DOCK10: variants seen among roughly 807,000 people sequenced by gnomAD.
DOCK10 encodes the protein dedicator of cytokinesis protein 10.
Under a neutral mutation model 280.1 loss-of-function variants are expected in DOCK10, and 145 were observed. That is an observed-to-expected ratio of 0.52 (90% CI 0.45 to 0.59). The LOEUF (loss-of-function observed/expected upper bound fraction) is 0.59. DOCK10 is among the 20% of genes least tolerant of loss of function. DOCK10 has a pLI of 0.00. For missense variants in DOCK10, 2,368 were observed against 2,651.7 expected, an observed-to-expected ratio of 0.89 and a Z score of 2.35; for synonymous variants, 915 against 942.2, an observed-to-expected ratio of 0.97 and a Z score of 0.53.
Position 224,885,015 on chromosome 2 carries a change from T to A in DOCK10, c.747+656A>T, listed in dbSNP as rs568126282. On this transcript the variant is annotated intron_variant, in intron 7 of 55. Coordinates refer to ENST00000258390, the MANE Select transcript of DOCK10 (RefSeq NM_014689.3). ...TTCTTTTTTTGTTGTTTGTTTGTTT[T>A]TTGAGACAGAGTCTCTCTCTGTCAC... Among the ~76,000 whole-genome samples, 4 of 152,332 alleles carry A rather than the reference T, an allele frequency of 2.6e-5. No homozygotes were observed. The South Asian group carries it at 8.3e-4, about 32-fold the overall frequency.
At position 224,885,776 on chromosome 2, in the gene DOCK10, A is replaced by C. The variant is rs201109672; in HGVS notation, c.642T>G (p.Thr214=). The C allele has an allele frequency of 1.9e-6, 3 of 1,613,374 alleles. No homozygotes were observed. Among genetic ancestry groups the C allele is most frequent in the Non-Finnish European group, 2.5e-6 (3 of 1,179,796 alleles). Residue 214 remains threonine, a synonymous_variant, in exon 7 of 56, where the codon ACT becomes ACG. Transcript: ENST00000258390. ...RSFKKRYFQL[T]QLPDNSYIMN... ...TAATGTAGGAGTTATCTGGTAACTG[A>C]GTCAGCTGGAAGTAGCGCTTTTTGA...
intron 22 of DOCK10, among the ~76,000 whole-genome samples, chr2:224,843,578 A>G (rs919228502): frequency 6.6e-6 from 1 of 152,284 alleles, no homozygotes. Context: ...TTTTGGTCCA[A>G]TGTATATACG....
intron 1 of DOCK10, among the ~76,000 whole-genome samples, chr2:224,955,981 A>C (rs543472706): frequency 6.6e-6 from 1 of 152,358 alleles, no homozygotes; most frequent in South Asian, 2.1e-4. Context: ...ATGATAAGAG[A>C]GAATTAGAAC....
intron 16 of DOCK10, 69 bp from the exon 17 acceptor site, chr2:224,853,191 G>C: frequency 7.5e-7 from 1 of 1,328,834 alleles, no homozygotes; most frequent in Non-Finnish European, 1.0e-6. Flanking sequence ...TAGTTAACAT[G>C]TTTTAAAATG....
chr2:225,042,137 A>C lies in DOCK10; in HGVS notation c.123+115T>G. 8.8e-7 allele frequency: 1 copy of C among 1,137,790 alleles called. No individual in the cohort carries two copies. Among genetic ancestry groups the C allele is most frequent in the Non-Finnish European group, 1.1e-6 (1 of 909,372 alleles). 70.5% of individuals were successfully genotyped at this position (1,137,790 alleles called of 1,614,324 possible). A position where few individuals can be genotyped will look rare whatever the true frequency, so the allele number is the denominator to read the frequency against. On this transcript the variant is annotated intron_variant, in intron 1 of 55. Coordinates refer to ENST00000258390, the MANE Select transcript of DOCK10 (RefSeq NM_014689.3). The surrounding 1 kb of genome is among the most constrained non-coding windows in gnomAD (Gnocchi z 5.1). ...GGCGGCGGGGGAGGGAGTGCGGAGGAGAGGACCCGTGAGCTGCGGGGACCT... is the reference window on the plus strand; with the variant it reads ...GGCGGCGGGGGAGGGAGTGCGGAGGCGAGGACCCGTGAGCTGCGGGGACCT...
chr2:224,852,555 A>C (rs1244805982), intron 17 of DOCK10, 113 bp from the exon 18 acceptor site: 3 of 781,364 alleles, frequency 3.8e-6, no homozygotes, highest in Non-Finnish European at 6.3e-6. Context: ...TAAAATACCC[A>C]ACATTTTCTT....
intron 1 of DOCK10, among the ~76,000 whole-genome samples, chr2:225,018,423 C>CA (rs1214853240): frequency 6.7e-6 from 1 of 150,118 alleles, no homozygotes; most frequent in Non-Finnish European, 1.5e-5. Context: ...GTTGATTTCA[C>CA]AGAAGGCAAC....
intron 2 of DOCK10, among the ~76,000 whole-genome samples, chr2:224,924,293 A>G (rs778505723): frequency 6.6e-6 from 1 of 152,232 alleles, no homozygotes; most frequent in Non-Finnish European, 1.5e-5. Context: ...CATTACCACG[A>G]TTTAATTACA....
At chr2:224,780,414 G>C (rs749346720) in intron 50 of DOCK10, among the ~76,000 whole-genome samples, 1 of 152,142 alleles carries the variant, frequency 6.6e-6, no homozygotes, top group African/African-American at 2.4e-5. Context: ...AATCCTCATG[G>C]GGCTAAAGCT....
rs1374039322 is a variant in DOCK10, at chr2:224,874,668, T to C, written c.1015A>G (p.Lys339Glu). ...SENNLHADFA[K>E]YLTETEDTVK... ...AAGTACAATGCCAACTTTATTACCT[T>C]TGCAAAGTCTGCGTGTAGGTTGTTC... The change falls in exon 9 of 56, where the codon AAG becomes GAG. Residue 339 changes from lysine to glutamate, a missense_variant and splice_region_variant. Lys to Glu is a moderately conservative substitution (Grantham distance 56). Around this residue, in one of 2 missense-constraint regions of DOCK10, gnomAD observed 1,209 missense variants for 1,250.9 expected, o/e 0.97. Transcript: ENST00000258390. 34 of 1,613,690 alleles carry C rather than the reference T, an allele frequency of 2.1e-5. No homozygotes were observed. The highest frequency in any genetic ancestry group is 2.9e-5 in the Non-Finnish European group (34 of 1,179,744).
chr2:224,926,535 A>T (rs979179691), intron 2 of DOCK10, among the ~76,000 whole-genome samples: 3 of 150,908 alleles, frequency 2.0e-5, no homozygotes, highest in African/African-American at 7.4e-5. Context: ...CCATCTCTTT[A>T]AAAAAAAGTG....
At chr2:224,937,221 A>T (rs984290507) in intron 1 of DOCK10, among the ~76,000 whole-genome samples, 1 of 152,202 alleles carries the variant, frequency 6.6e-6, no homozygotes, top group Non-Finnish European at 1.5e-5. Context: ...GAAGTTCAGG[A>T]TTTCTTACCT....
intron 19 of DOCK10, among the ~76,000 whole-genome samples, chr2:224,849,228 C>G (rs1696566500): frequency 6.6e-6 from 1 of 152,204 alleles, no homozygotes; most frequent in African/African-American, 2.4e-5. Flanking sequence ...CCTGCCTTGG[C>G]CTCCCAAAGT....
intron 1 of DOCK10, among the ~76,000 whole-genome samples, chr2:224,948,682 G>A (rs1404552089): frequency 6.6e-6 from 1 of 152,062 alleles, no homozygotes; most frequent in Non-Finnish European, 1.5e-5. Flanking sequence ...TCTGATAAAA[G>A]CTATGAACCC....
chr2:224,852,103 A>C (rs188337228), intron 18 of DOCK10, among the ~76,000 whole-genome samples: 36 of 152,348 alleles, frequency 2.4e-4, no homozygotes, highest in Admixed American at 2.4e-3. Flanking sequence ...TGAAAAAGGC[A>C]ACATTTTCCA....
intron 19 of DOCK10, among the ~76,000 whole-genome samples, chr2:224,848,697 G>A (rs1362676582): frequency 6.6e-6 from 1 of 152,174 alleles, no homozygotes; most frequent in Admixed American, 6.5e-5. Context: ...CAGGAGTCTT[G>A]GAAGTCTGCC....
chr2:225,020,559 C>T (rs748814513), intron 1 of DOCK10, among the ~76,000 whole-genome samples: 11 of 152,134 alleles, frequency 7.2e-5, no homozygotes, highest in Admixed American at 3.9e-4. Context: ...ATTGCTATGA[C>T]GTATTCTAAA....
At chr2:224,835,980 C>T (rs549273078) in intron 25 of DOCK10, among the ~76,000 whole-genome samples, 7 of 152,248 alleles carry the variant, frequency 4.6e-5, no homozygotes, top group South Asian at 2.1e-4. Flanking sequence ...TCTCCAGGAG[C>T]GTCACCGGTA....
In DOCK10 at chr2:224,899,427, C is replaced by A. The variant is rs527753193; in HGVS notation, c.334-3050G>T. On this transcript the variant is annotated intron_variant, in intron 3 of 55. Transcript: ENST00000258390. ...TGTGAATATAGCAGTTAACAAAAAA[C>A]AAAATTCCATGCCCTCTTGGATTGA... 8.5e-5 allele frequency among the ~76,000 whole-genome samples: 13 copies of A among 152,268 alleles called. No individual in the cohort carries two copies. In the East Asian group the frequency reaches 2.5e-3, roughly 29 times the overall value.
Sources: gnomAD v4.1 joint callset for allele counts (sites outside exome capture counted in the v4.1 genomes callset) on GRCh38, gnomAD v4.1.1 for gene constraint, gnomAD v4.1.1 regional missense constraint, Gnocchi (gnomAD v3.1) non-coding constraint, MANE v1.5 for transcripts, NCBI Gene and HGNC (gene_info 2026-07-23, HGNC 2026-07-21) for gene names.